CARNMT1: variants seen among roughly 807,000 people sequenced by gnomAD.
CARNMT1 encodes carnosine N-methyltransferase 1, also known as protein-L-histidine N-pros-methyltransferase CARNMT1.
CARNMT1 carries 28 observed loss-of-function variants against 49.6 expected under a neutral mutation model. The ratio of observed to expected loss-of-function variants is 0.56; its 90% CI spans 0.42 to 0.77. The LOEUF (loss-of-function observed/expected upper bound fraction) is 0.77. Ranked by LOEUF, CARNMT1 falls within the 30% of genes least tolerant of loss-of-function variation. CARNMT1 has a pLI of 0.00. For missense variants in CARNMT1, 421 were observed against 512.6 expected, an observed-to-expected ratio of 0.82 and a Z score of 1.73; for synonymous variants, 178 against 175.0, an observed-to-expected ratio of 1.02 and a Z score of -0.13.
chr9:74,987,977 A>C (rs916515634), intron 6 of CARNMT1, among the ~76,000 whole-genome samples: 1 of 152,178 alleles, frequency 6.6e-6, no homozygotes, highest in Non-Finnish European at 1.5e-5. Context: ...AATGTCTGGC[A>C]CTGGATATAT....
chr9:75,000,238 CT>C (rs1200841876), intron 3 of CARNMT1, among the ~76,000 whole-genome samples: 10 of 152,150 alleles, frequency 6.6e-5, no homozygotes, highest in Middle Eastern at 3.4e-3. Context: ...AACAAAAGTA[CT>C]TCATCATATG....
chr9:74,984,447 A>G (rs1832766460), intron 7 of CARNMT1, among the ~76,000 whole-genome samples: 1 of 152,160 alleles, frequency 6.6e-6, no homozygotes, highest in African/African-American at 2.4e-5. Context: ...AATCCTTATA[A>G]TTCTGAAAAC....
chr9:75,026,429 A>T (rs574751032), intron 1 of CARNMT1, among the ~76,000 whole-genome samples: 2 of 152,264 alleles, frequency 1.3e-5, no homozygotes, highest in South Asian at 4.1e-4. Context: ...TTCTTTCTAG[A>T]TTTTTCAAGA....
At chr9:75,027,219 AAC>A (rs1435081143) in intron 1 of CARNMT1, 6 of 1,048,418 alleles carry the variant, frequency 5.7e-6, no homozygotes, top group Middle Eastern at 2.5e-4. Flanking sequence ...AAGCTACTTT[AAC>A]ATCTATCTAG....
chr9:75,019,360 G>A (rs536626592), intron 1 of CARNMT1, among the ~76,000 whole-genome samples: 1 of 152,240 alleles, frequency 6.6e-6, no homozygotes, highest in African/African-American at 2.4e-5. Flanking sequence ...ATTTTGAAAT[G>A]GCTGCCACAT....
chr9:75,021,437 T>C (rs1043262070), intron 1 of CARNMT1, among the ~76,000 whole-genome samples: 4 of 145,448 alleles, frequency 2.8e-5, no homozygotes, highest in Admixed American at 1.4e-4. Flanking sequence ...AAATAGTATA[T>C]ATAATATAAA....
At chr9:75,007,102 T>G (rs1159792355) in intron 3 of CARNMT1, among the ~76,000 whole-genome samples, 3 of 152,182 alleles carry the variant, frequency 2.0e-5, no homozygotes, top group Non-Finnish European at 4.4e-5. Context: ...CTACAGATAT[T>G]TTGAATTTTG....
Position 75,017,011 on chromosome 9 carries a change from C to T in CARNMT1, c.426+242G>A, listed in dbSNP as rs148573118. 424 of 465,466 alleles carry T rather than the reference C, an allele frequency of 9.1e-4. 1 individual carries two copies. The highest frequency in any genetic ancestry group is 7.8e-3 in the African/African-American group (389 of 49,922). The allele number at this position is 465,466 out of a possible 1,614,324, so 28.8% of individuals were successfully genotyped here. A position where few individuals can be genotyped will look rare whatever the true frequency, so the allele number is the denominator to read the frequency against. On this transcript the variant is annotated intron_variant, in intron 2 of 7. Transcript: ENST00000376834. ...ACTAACCCTGTATTCCAAAACAGAA[C>T]ATTATGTCAAAATGCATCAAAATCT... is the stretch of plus-strand genomic sequence containing the variant.
At chr9:75,028,390 T>G (rs1252054545), upstream of CARNMT1, 6 of 1,295,660 alleles carry the variant, frequency 4.6e-6, no homozygotes, top group South Asian at 2.5e-5. Context: ...CAGGCCTCCA[T>G]CCGCGCTGGG....
rs7021660 is a variant in CARNMT1 at position 75,012,835 on chromosome 9, G to A, written c.590+3433C>T. ...CGGGAGGCTGAGGCAGCAGAATGGC[G>A]TGAACCCGGGAGGCGGAGGTTGCAG... On this transcript the variant is annotated intron_variant, in intron 3 of 7. Coordinates refer to ENST00000376834, the MANE Select transcript of CARNMT1 (RefSeq NM_152420.3). Among the ~76,000 whole-genome samples the A allele has an allele frequency of 1.3e-4, 20 of 151,300 alleles. 1 individual carries two copies. The highest frequency in any genetic ancestry group is 6.3e-4 in the South Asian group (3 of 4,776).
At position 74,981,533 on chromosome 9, in the gene CARNMT1, AAAG is replaced by A. The variant is rs1285860766; in HGVS notation, c.*2231_*2233del. 6.6e-6 allele frequency: 1 copy of A among 152,164 alleles called. No individual in the cohort carries two copies. The highest frequency in any genetic ancestry group is 1.5e-5 in the Non-Finnish European group (1 of 67,998). 9.4% of individuals were successfully genotyped at this position (152,164 alleles called of 1,614,324 possible). On this transcript the variant is annotated 3_prime_UTR_variant, in exon 8 of 8. Transcript: ENST00000376834. ...TATATTAACTGCAAAAGCTGTAAGA[AAAG>A]AAGTGATGCAAATTTGTATAGAACA... is the stretch of plus-strand genomic sequence containing the variant.
intron 1 of CARNMT1, among the ~76,000 whole-genome samples, chr9:75,025,374 CA>C (rs1822493695): frequency 6.6e-6 from 1 of 152,178 alleles, no homozygotes; most frequent in South Asian, 2.1e-4. Context: ...GAAGTGGCTA[CA>C]AAATTATTAC....
chr9:75,023,476 T>G (rs979370601), intron 1 of CARNMT1, among the ~76,000 whole-genome samples: 4 of 152,238 alleles, frequency 2.6e-5, no homozygotes, highest in Admixed American at 6.5e-5. Flanking sequence ...TTACAAGAGC[T>G]GTCAATTTTT....
intron 1 of CARNMT1, among the ~76,000 whole-genome samples, chr9:75,020,269 T>TC (rs756200785): frequency 0.011 from 1,300 of 118,868 alleles, 40 homozygotes; most frequent in African/African-American, 0.034. Context: ...TTTTTCTTCT[T>TC]TTTTTTTTTT....
In CARNMT1 at chr9:74,984,125, G is replaced by A. The variant is rs554853949; in HGVS notation, c.1129-257C>T. ...GAACTACTATAATATGTTGCTTCTC[G>A]TCATTCTTAAAAACAAACCTATTGT... On this transcript the variant is annotated intron_variant, in intron 7 of 7. Coordinates refer to ENST00000376834, the MANE Select transcript of CARNMT1 (RefSeq NM_152420.3). Among the ~76,000 whole-genome samples, 6 of 152,136 alleles carry A rather than the reference G, an allele frequency of 3.9e-5. No homozygotes were observed. The South Asian group carries it at 6.2e-4, about 16-fold the overall frequency.
intron 4 of CARNMT1, 132 bp from the exon 5 acceptor site, chr9:74,998,908 G>T (rs986490542): frequency 6.1e-6 from 3 of 490,922 alleles, no homozygotes; most frequent in Middle Eastern, 5.7e-4. Flanking sequence ...CACTATTACA[G>T]CTTCCCTAAT....
chr9:75,022,104 ACACT>A (rs1822383519), intron 1 of CARNMT1, among the ~76,000 whole-genome samples: 2 of 152,000 alleles, frequency 1.3e-5, no homozygotes, highest in South Asian at 2.1e-4. Flanking sequence ...GGGCATTTAG[ACACT>A]CACTTGTTTT....
chr9:75,014,778 C>T (rs972521646), intron 3 of CARNMT1, among the ~76,000 whole-genome samples: 13 of 151,768 alleles, frequency 8.6e-5, no homozygotes, highest in Non-Finnish European at 1.6e-4. Context: ...GCCCAGGAGG[C>T]GGAGGTTGCA....
At chr9:75,026,988 G>T in intron 1 of CARNMT1, 1 of 857,234 alleles carries the variant, frequency 1.2e-6, no homozygotes, top group Non-Finnish European at 1.7e-6. Context: ...TAATACATAA[G>T]ATGAACAATA....
Sources: gnomAD v4.1 joint callset for allele counts (sites outside exome capture counted in the v4.1 genomes callset) on GRCh38, gnomAD v4.1.1 for gene constraint, MANE v1.5 for transcripts, NCBI Gene and HGNC (gene_info 2026-07-23, HGNC 2026-07-21) for gene names.